The following TMPRSS4 variants were observed in gnomAD, a reference collection of about 807,000 sequenced individuals.
The protein encoded by TMPRSS4 is transmembrane serine protease 4.
In TMPRSS4, 45 loss-of-function variants were observed where a neutral mutation model predicts 56.4. The ratio of observed to expected loss-of-function variants is 0.80; its 90% CI spans 0.63 to 1.02. TMPRSS4 has a LOEUF of 1.02. Ranked by LOEUF, TMPRSS4 falls within the 50% of genes least tolerant of loss-of-function variation. The probability of loss-of-function intolerance (pLI) is 0.00; values close to 1 mark genes in which losing one functional copy is unlikely to be tolerated. For synonymous variants in TMPRSS4, 205 were observed against 211.0 expected (o/e 0.97, Z 0.25); for missense variants, 546 against 556.7 (o/e 0.98, Z 0.19).
rs1196600928 is a variant in TMPRSS4 at position 118,113,899 on chromosome 11, G to A, written c.910+464G>A. Among the ~76,000 whole-genome samples the A allele has an allele frequency of 2.0e-5, 3 of 152,190 alleles. No individual in the cohort carries two copies. The East Asian group carries it at 5.8e-4, about 29-fold the overall frequency. ...TTTGAACAGCTCTGTTGGATGCCTT[G>A]TGCTTATACTGAAATGTATTTAGAT... On this transcript the variant is annotated intron_variant, in intron 9 of 12. Transcript: ENST00000437212.
chr11:118,119,141 C>G lies in TMPRSS4; in HGVS notation c.*1228C>G, dbSNP rs560488350. 8 of 985,246 alleles carry G rather than the reference C, an allele frequency of 8.1e-6. No individual in the cohort carries two copies. The highest frequency in any genetic ancestry group is 1.1e-4 in the East Asian group (1 of 8,806). 61.0% of individuals were successfully genotyped at this position (985,246 alleles called of 1,614,324 possible). A position where few individuals can be genotyped will look rare whatever the true frequency, so the allele number is the denominator to read the frequency against. ...TGCCAAAAACAAAGAAAATAGAAAC[C>G]CAGAAAACAAAACAAAATAAAACAA... On this transcript the variant is annotated 3_prime_UTR_variant, in exon 13 of 13. Coordinates refer to ENST00000437212, the MANE Select transcript of TMPRSS4 (RefSeq NM_019894.4).
chr11:118,098,796 G>T (rs1254483052), intron 2 of TMPRSS4, among the ~76,000 whole-genome samples, 189 bp from the exon 3 acceptor site: 1 of 152,186 alleles, frequency 6.6e-6, no homozygotes, highest in Non-Finnish European at 1.5e-5. Flanking sequence ...GGATAAGTAA[G>T]AAGAGGCAGG....
chr11:118,124,073 T>C (rs2135487566), downstream of TMPRSS4, among the ~76,000 whole-genome samples: 1 of 152,222 alleles, frequency 6.6e-6, no homozygotes, highest in African/African-American at 2.4e-5. Context: ...GGTAAAATGA[T>C]GCAAAGTTGT....
chr11:118,096,912 G>GAAAGAAA (rs1228634222), intron 2 of TMPRSS4, among the ~76,000 whole-genome samples: 3 of 9,380 alleles, frequency 3.2e-4, no homozygotes, highest in South Asian at 2.4e-3. Flanking sequence ...AGAAAGAAAG[G>GAAAGAAA]GAGAGAGAAA....
chr11:118,108,530 G>A, intron 6 of TMPRSS4: 1 of 325,888 alleles, frequency 3.1e-6, no homozygotes, highest in East Asian at 5.2e-5. Context: ...TCTTCCATTT[G>A]GAAAGCCCAC....
In TMPRSS4 at chr11:118,120,186, C is replaced by T. The variant is rs1486103166; in HGVS notation, c.*2273C>T. The T allele has an allele frequency of 3.3e-5, 5 of 152,180 alleles. No homozygotes were observed. The highest frequency in any genetic ancestry group is 1.2e-4 in the African/African-American group (5 of 41,450). The allele number at this position is 152,180 out of a possible 1,614,324, so 9.4% of individuals were successfully genotyped here. ...TGTAGCATGTGTCAGAATTTCTTCC[C>T]TTTTTAGACTAAATAATATTCTATT... On this transcript the variant is annotated 3_prime_UTR_variant, in exon 13 of 13. Transcript: ENST00000437212.
chr11:118,123,322 G>T (rs1200588078), downstream of TMPRSS4, among the ~76,000 whole-genome samples: 2 of 152,118 alleles, frequency 1.3e-5, no homozygotes, highest in African/African-American at 2.4e-5. Context: ...TCATCTAAAG[G>T]CATCTTCCCA....
intron 7 of TMPRSS4, among the ~76,000 whole-genome samples, chr11:118,109,332 A>T (rs1287251531): frequency 6.6e-6 from 1 of 152,234 alleles, no homozygotes; most frequent in Non-Finnish European, 1.5e-5. Context: ...TCACTCTGTC[A>T]GTTGCTGGCT....
At position 118,085,226 on chromosome 11, in the gene TMPRSS4, C is replaced by CTT. The variant is rs67063759; in HGVS notation, c.3+7935_3+7936dup. ...GATGGAGGAGTCAGATCTTCTTCTTCTTTTTTTTTTTTTTTGAGACAGAGT... is the reference window on the plus strand; with the variant it reads ...GATGGAGGAGTCAGATCTTCTTCTTCTTTTTTTTTTTTTTTTTGAGACAGAGT... On this transcript the variant is annotated intron_variant, in intron 1 of 12. Coordinates refer to ENST00000437212, the MANE Select transcript of TMPRSS4 (RefSeq NM_019894.4). Among the ~76,000 whole-genome samples the CTT allele has an allele frequency of 2.5e-3, 358 of 141,868 alleles. 4 individuals are homozygous for CTT. Among genetic ancestry groups the CTT allele is most frequent in the African/African-American group, 7.1e-3 (273 of 38,564 alleles). The allele number at this position is 141,868 out of a possible 152,430, so 93.1% of individuals were successfully genotyped here. A position where few individuals can be genotyped will look rare whatever the true frequency, so the allele number is the denominator to read the frequency against.
chr11:118,081,689 G>T (rs1303785203), intron 1 of TMPRSS4, among the ~76,000 whole-genome samples: 5 of 152,256 alleles, frequency 3.3e-5, no homozygotes, highest in Non-Finnish European at 7.3e-5. Flanking sequence ...CGCTGGTGCG[G>T]TTGAGCCAAC....
Position 118,103,147 on chromosome 11 carries a change from C to G in TMPRSS4, c.204C>G (p.Leu68=), listed in dbSNP as rs1946804330. 1 of 1,614,258 alleles carries G rather than the reference C, an allele frequency of 6.2e-7. No individual in the cohort carries two copies. Among genetic ancestry groups the G allele is most frequent in the East Asian group, 2.2e-5 (1 of 44,886 alleles). Residue 68 remains leucine (L), a synonymous_variant, in exon 4 of 13, where the codon CTC becomes CTG. Transcript: ENST00000437212. ...ACTACTTCCTCTGCGGGCAGCCTCT[C>G]CACTTCATCCCGAGGAAGCAGCTGT... The part of the protein sequence containing the change: ...DKYYFLCGQP[L]HFIPRKQLCD...
rs1168432123 is a variant in TMPRSS4, at chr11:118,096,907, G to A, written c.43+2052G>A. Among the ~76,000 whole-genome samples the A allele has an allele frequency of 1.4e-4, 6 of 43,218 alleles. 1 individual carries two copies. Among genetic ancestry groups the A allele is most frequent in the African/African-American group, 6.2e-4 (6 of 9,692 alleles). The allele number at this position is 43,218 out of a possible 152,430, so 28.4% of individuals were successfully genotyped here. On this transcript the variant is annotated intron_variant, in intron 2 of 12. Coordinates refer to ENST00000437212, the MANE Select transcript of TMPRSS4 (RefSeq NM_019894.4). Reference sequence around the variant, plus strand: ...AGAAAGAAAGAAAGAAAGAAAGAAAGAAAGGGAGAGAGAAAGGAAAGAAAG... The same window carrying A: ...AGAAAGAAAGAAAGAAAGAAAGAAAAAAAGGGAGAGAGAAAGGAAAGAAAG...
chr11:118,103,215 A>G lies in TMPRSS4; in HGVS notation c.272A>G (p.His91Arg). 6 of 1,614,200 alleles carry G rather than the reference A, an allele frequency of 3.7e-6. No individual in the cohort carries two copies. Among genetic ancestry groups the G allele is most frequent in the Non-Finnish European group, 5.1e-6 (6 of 1,180,036 alleles). The change falls in exon 4 of 13, where the codon CAC becomes CGC. Residue 91 changes from histidine (H) to arginine (R), a missense_variant. His to Arg is a conservative substitution (Grantham distance 29). Coordinates refer to ENST00000437212, the MANE Select transcript of TMPRSS4 (RefSeq NM_019894.4). ...LDCPLGEDEE[H>R]CVKSFPEGPA... ...TGTCCCTTGGGGGAGGACGAGGAGC[A>G]CTGTGTCAAGAGCTTCCCCGAAGGG... is the stretch of plus-strand genomic sequence containing the variant.
intron 1 of TMPRSS4, among the ~76,000 whole-genome samples, chr11:118,085,540 AG>A (rs1945482092): frequency 6.6e-6 from 1 of 152,162 alleles, no homozygotes; most frequent in South Asian, 2.1e-4. Context: ...GACAAGCAAA[AG>A]TGAGTACGAT....
chr11:118,104,343 T>C (rs551982152), intron 4 of TMPRSS4, among the ~76,000 whole-genome samples: 1 of 152,186 alleles, frequency 6.6e-6, no homozygotes, highest in Admixed American at 6.5e-5. Context: ...ATGTGGTCCA[T>C]ACAATTTAAA....
intron 1 of TMPRSS4, among the ~76,000 whole-genome samples, chr11:118,091,458 A>C (rs80105952): frequency 0.033 from 4,957 of 151,988 alleles, 277 homozygotes; most frequent in African/African-American, 0.11. Context: ...CCTGCATAGC[A>C]CCTACCCCTC....
chr11:118,090,821 A>AAACACACACACACACACAAAC (rs1945895008), intron 1 of TMPRSS4, among the ~76,000 whole-genome samples: 1 of 140,342 alleles, frequency 7.1e-6, no homozygotes, highest in South Asian at 2.3e-4. Context: ...CACACACACA[A>AAACACACACACACACACAAAC]ACACACACAC....
At chr11:118,085,694 T>C (rs10892211) in intron 1 of TMPRSS4, among the ~76,000 whole-genome samples, 53,639 of 152,056 alleles carry the variant, frequency 0.35, 9,969 homozygotes, top group South Asian at 0.52. Flanking sequence ...CCCTTCCCAA[T>C]GGCAAACCCA....
chr11:118,108,838 G>T lies in TMPRSS4; in HGVS notation c.543-18G>T, dbSNP rs558171032. The T allele has an allele frequency of 1.9e-6, 3 of 1,613,874 alleles. No individual in the cohort carries two copies. The highest frequency in any genetic ancestry group is 2.7e-5 in the African/African-American group (2 of 75,042). On this transcript the variant is annotated intron_variant, in intron 6 of 12. Coordinates refer to ENST00000437212, the MANE Select transcript of TMPRSS4 (RefSeq NM_019894.4). ...GAGGAAGAAGCTTAAATCACAGGGC[G>T]CTGTGTCTGTCTTCCAGGCCCTGTC...
Sources: gnomAD v4.1 joint callset for allele counts (sites outside exome capture counted in the v4.1 genomes callset) on GRCh38, gnomAD v4.1.1 for gene constraint, MANE v1.5 for transcripts, NCBI Gene and HGNC (gene_info 2026-07-23, HGNC 2026-07-21) for gene names.